Variants in ATP5PD observed in about 807,000 individuals in gnomAD.
ATP5PD encodes ATP synthase peripheral stalk subunit d, mitochondrial.
Under a neutral mutation model 22.6 loss-of-function variants are expected in ATP5PD, and 13 were observed. The ratio of observed to expected loss-of-function variants is 0.58; its 90% CI spans 0.37 to 0.91. ATP5PD has a LOEUF of 0.91. Among genes scored for constraint, ATP5PD ranks in the 40% least tolerant of loss-of-function variants. ATP5PD has a pLI of 0.00. For missense variants in ATP5PD, 165 were observed against 188.0 expected, an observed-to-expected ratio of 0.88 and a Z score of 0.72; for synonymous variants, 51 against 65.0, an observed-to-expected ratio of 0.79 and a Z score of 1.03.
intron 2 of ATP5PD, 75 bp from the exon 3 acceptor site, chr17:75,042,352 T>C (rs1223213594): frequency 6.5e-7 from 1 of 1,545,378 alleles, no homozygotes; most frequent in East Asian, 2.3e-5. Context: ...TTCCTATCCC[T>C]TCTTCCTATG....
At chr17:75,042,129 CCTA>C in intron 3 of ATP5PD, 49 bp downstream of exon 3, 2 of 1,497,968 alleles carry the variant, frequency 1.3e-6, no homozygotes, top group Non-Finnish European at 1.8e-6. Context: ...GTTCCTGCTC[CCTA>C]CCCACAGGCA....
chr17:75,042,117 C>A, intron 3 of ATP5PD, 64 bp downstream of exon 3: 1 of 1,411,764 alleles, frequency 7.1e-7, no homozygotes, highest in Non-Finnish European at 9.9e-7. Context: ...GTAATTATCC[C>A]TGTTCCTGCT....
At position 75,042,169 on chromosome 17, in the gene ATP5PD, G is replaced by A. The variant is rs2073167820; in HGVS notation, c.219+12C>T. 5 of 1,611,622 alleles carry A rather than the reference G, an allele frequency of 3.1e-6. No homozygotes were observed. The highest frequency in any genetic ancestry group is 1.3e-5 in the African/African-American group (1 of 74,976). ...GTTACAAGCTCAGTGCTTTAGAGGT[G>A]TGAAGTCTCACCTTCTTCTCAAAGT... On this transcript the variant is annotated intron_variant, in intron 3 of 5. Coordinates refer to ENST00000301587, the MANE Select transcript of ATP5PD (RefSeq NM_006356.3).
intron 3 of ATP5PD, chr17:75,040,497 G>C: frequency 3.2e-6 from 1 of 312,892 alleles, no homozygotes; most frequent in Non-Finnish European, 6.0e-6. Flanking sequence ...TTAGCACCTT[G>C]AATTGTAAAG....
At chr17:75,041,419 G>A (rs1306656506) in intron 3 of ATP5PD, 1 of 139,986 alleles carries the variant, frequency 7.1e-6, no homozygotes, top group Non-Finnish European at 1.5e-5. Flanking sequence ...AGACCAGCCT[G>A]AGCAATATGA....
rs147461348 is a variant in ATP5PD, at chr17:75,040,148, C to A, written c.235G>T (p.Val79Phe). Residue 79 changes from valine to phenylalanine, a missense_variant, in exon 4 of 6, where the codon GTT becomes TTT. Physicochemically the swap from Val to Phe is conservative, Grantham distance 50. Transcript: ENST00000301587. ...DFEKKFNALK[V>F]PVPEDKYTAQ... is the part of the protein sequence containing the mutation. ...GTATATTTATCCTCTGGCACGGGAA[C>A]CTTCAGCGCATTAAACTACAAACAC... is the stretch of plus-strand genomic sequence containing the variant. The A allele has an allele frequency of 4.8e-5, 77 of 1,611,554 alleles. No homozygotes were observed. The highest frequency in any genetic ancestry group is 1.2e-4 in the African/African-American group (9 of 74,798).
At chr17:75,042,700 G>C (rs2073173335) in intron 1 of ATP5PD, 41 bp from the exon 2 acceptor site, 4 of 1,569,072 alleles carry the variant, frequency 2.5e-6, no homozygotes, top group Non-Finnish European at 3.4e-6. Flanking sequence ...TTTTTATGAG[G>C]TGAATTTTCA....
At chr17:75,039,093 TGTAAA>T in intron 5 of ATP5PD, 30 bp from the exon 6 acceptor site, 1 of 1,613,076 alleles carries the variant, frequency 6.2e-7, no homozygotes, top group Non-Finnish European at 8.5e-7. Context: ...GTTTAGTTAA[TGTAAA>T]CAGAGACGGA....
chr17:75,042,022 A>C, intron 3 of ATP5PD, 159 bp downstream of exon 3: 2 of 610,536 alleles, frequency 3.3e-6, no homozygotes, highest in Non-Finnish European at 5.7e-6. Context: ...TCCTGCACCT[A>C]TTTACAGTTC....
At position 75,042,020 on chromosome 17, in the gene ATP5PD, C is replaced by T. The variant is rs148316648; in HGVS notation, c.219+161G>A. On this transcript the variant is annotated intron_variant, in intron 3 of 5. Transcript: ENST00000301587. ...ATGAACAGAGCCTAAATTCCTGCAC[C>T]TATTTACAGTTCAATCGACCACAAG... The T allele has an allele frequency of 4.9e-3, 2,958 of 604,216 alleles. 9 individuals are homozygous for T. Among genetic ancestry groups the T allele is most frequent in the Non-Finnish European group, 7.0e-3 (2,418 of 346,612 alleles). The allele number at this position is 604,216 out of a possible 1,614,324, so 37.4% of individuals were successfully genotyped here. A position where few individuals can be genotyped will look rare whatever the true frequency, so the allele number is the denominator to read the frequency against.
chr17:75,042,810 G>T, intron 1 of ATP5PD, 151 bp from the exon 2 acceptor site: 1 of 808,676 alleles, frequency 1.2e-6, no homozygotes, highest in Non-Finnish European at 1.9e-6. Flanking sequence ...GAACCCAGGA[G>T]GTGGAGGTTG....
chr17:75,046,119 G>A (rs2073213443), intron 1 of ATP5PD, among the ~76,000 whole-genome samples: 1 of 152,212 alleles, frequency 6.6e-6, no homozygotes, highest in South Asian at 2.1e-4. Flanking sequence ...GTCTCGCACT[G>A]TCGCCTGGGC....
At position 75,038,992 on chromosome 17, in the gene ATP5PD, T is replaced by C; in HGVS notation, c.426A>G (p.Glu142=). 1 of 1,614,184 alleles carries C rather than the reference T, an allele frequency of 6.2e-7. No homozygotes were observed. The highest frequency in any genetic ancestry group is 2.2e-5 in the East Asian group (1 of 44,888). The part of the protein sequence containing the change: ...TIEDLNEAFP[E]TKLDKKKYPY... ...GATACTTTTTCTTGTCTAATTTGGTTTCTGGGAAAGCTTCATTCAAGTCCT... is the reference window on the plus strand; with the variant it reads ...GATACTTTTTCTTGTCTAATTTGGTCTCTGGGAAAGCTTCATTCAAGTCCT... The change falls in exon 6 of 6, where the codon GAA becomes GAG. Residue 142 remains glutamate (E), a synonymous_variant. Transcript: ENST00000301587.
rs920243101 is a variant in ATP5PD, at chr17:75,042,600, T to C, written c.51A>G (p.Ala17=). The change falls in exon 2 of 6, where the codon GCA becomes GCG. Residue 17 remains alanine (A), a synonymous_variant. Coordinates refer to ENST00000301587, the MANE Select transcript of ATP5PD (RefSeq NM_006356.3). The part of the protein sequence containing the change: ...ALKTIDWVAF[A]EIIPQNQKAI... ...CCTTTTGGTTCTGGGGTATGATCTC[T>C]GCAAAAGCTACCCAGTCAATGGTTT... The C allele has an allele frequency of 1.2e-6, 2 of 1,613,108 alleles. No homozygotes were observed. The highest frequency in any genetic ancestry group is 8.5e-7 in the Non-Finnish European group (1 of 1,179,762).
rs184136763 is a variant in ATP5PD at position 75,045,135 on chromosome 17, G to A, written c.-10+1790C>T. The stretch of plus-strand genomic sequence containing the variant: ...GAGACATCACACGTTGGTAGGATCC[G>A]TGATGCCCCACAAGCCACAAAAACC... On this transcript the variant is annotated intron_variant, in intron 1 of 5. Transcript: ENST00000301587. Among the ~76,000 whole-genome samples the A allele has an allele frequency of 1.2e-4, 19 of 152,272 alleles. 1 individual carries two copies. In the East Asian group the frequency reaches 2.7e-3, roughly 22 times the overall value.
At chr17:75,044,502 GCC>G (rs760365779) in intron 1 of ATP5PD, among the ~76,000 whole-genome samples, 1 of 76,934 alleles carries the variant, frequency 1.3e-5, no homozygotes, top group African/African-American at 2.7e-4. Context: ...ACCGCGCCCG[GCC>G]CTAATTTTTG....
chr17:75,041,347 T>TC (rs2073157711), intron 3 of ATP5PD: 1 of 111,832 alleles, frequency 8.9e-6, no homozygotes, highest in African/African-American at 3.6e-5. Context: ...AGAGTGAGAC[T>TC]CCAACTCAAA....
chr17:75,039,680 TA>T, intron 4 of ATP5PD: 1 of 266,900 alleles, frequency 3.7e-6, no homozygotes, highest in Non-Finnish European at 7.1e-6. Flanking sequence ...ACTACTTGGG[TA>T]ATTTTTCTAA....
intron 3 of ATP5PD, 136 bp from the exon 4 acceptor site, chr17:75,040,299 G>C (rs2073145954): frequency 5.0e-6 from 5 of 1,009,768 alleles, no homozygotes; most frequent in Admixed American, 3.8e-5. Context: ...AAGACATTCT[G>C]TGTCCCAAGC....
Sources: allele counts gnomAD v4.1 joint callset (sites outside exome capture counted in the v4.1 genomes callset), GRCh38; gene constraint gnomAD v4.1.1; transcripts MANE v1.5; gene names NCBI Gene and HGNC (gene_info 2026-07-23, HGNC 2026-07-21).